Variants in CACNA2D3 observed in about 807,000 individuals in gnomAD.
CACNA2D3 encodes the protein voltage-dependent calcium channel subunit alpha-2/delta-3.
Under a neutral mutation model 160.6 loss-of-function variants are expected in CACNA2D3, and 60 were observed. The observed-to-expected ratio is 0.37, with a 90% CI of 0.30 to 0.46. The LOEUF (loss-of-function observed/expected upper bound fraction) is 0.46. CACNA2D3 is among the 20% of genes least tolerant of loss of function. CACNA2D3 has a pLI of 1.00. For synonymous variants in CACNA2D3, 558 were observed against 492.9 expected, an observed-to-expected ratio of 1.13 and a Z score of -1.75; for missense variants, 1,205 against 1,365.0, an observed-to-expected ratio of 0.88 and a Z score of 1.85.
intron 2 of CACNA2D3, among the ~76,000 whole-genome samples, chr3:54,172,494 A>T (rs989030370): frequency 6.6e-6 from 1 of 152,312 alleles, no homozygotes; most frequent in Non-Finnish European, 1.5e-5. Context: ...ATAGGTGGGG[A>T]TGACGTAAAC....
At chr3:54,601,080 G>C (rs138434907) in intron 9 of CACNA2D3, among the ~76,000 whole-genome samples, 1 of 152,300 alleles carries the variant, frequency 6.6e-6, no homozygotes, top group Non-Finnish European at 1.5e-5. Context: ...TGCTGGAGGA[G>C]ACTTGGTCGA....
chr3:54,406,227 A>G (rs1037053536), intron 4 of CACNA2D3, among the ~76,000 whole-genome samples: 2 of 152,138 alleles, frequency 1.3e-5, no homozygotes, highest in Admixed American at 1.3e-4. Context: ...TCACCACCTC[A>G]GAAAGATACC....
chr3:54,871,681 C>A, intron 18 of CACNA2D3, 59 bp downstream of exon 18: 3 of 1,332,614 alleles, frequency 2.3e-6, no homozygotes, highest in Admixed American at 1.8e-5. Flanking sequence ...CACTTCTGTA[C>A]CTGGGGGCGA....
rs151002199 is a variant in CACNA2D3 at position 54,308,295 on chromosome 3, G to C, written c.205-12147G>C. Among the ~76,000 whole-genome samples the C allele has an allele frequency of 4.0e-3, 611 of 152,270 alleles. 7 individuals are homozygous for C. Among genetic ancestry groups the C allele is most frequent in the African/African-American group, 0.014 (571 of 41,534 alleles). ...GCCTGGGGATAGTCCTCAGCCATGG[G>C]TTCCATTCCTCAGGCTGTCCTTCAT... On this transcript the variant is annotated intron_variant, in intron 2 of 37. Coordinates refer to ENST00000474759, the MANE Select transcript of CACNA2D3 (RefSeq NM_018398.3).
intron 12 of CACNA2D3, among the ~76,000 whole-genome samples, chr3:54,757,751 G>A (rs1295104693): frequency 6.6e-6 from 1 of 152,132 alleles, no homozygotes; most frequent in South Asian, 2.1e-4. Context: ...TCCTCCCAAA[G>A]GCTCTATGAG....
intron 35 of CACNA2D3, among the ~76,000 whole-genome samples, chr3:55,059,517 G>A (rs1704449332): frequency 6.6e-6 from 1 of 152,222 alleles, no homozygotes; most frequent in African/African-American, 2.4e-5. Context: ...ACGGGCAGGT[G>A]CAGGAGCCGG....
chr3:54,123,491 C>T, intron 1 of CACNA2D3, 22 bp from the exon 2 acceptor site: 2 of 1,589,262 alleles, frequency 1.3e-6, no homozygotes, highest in Non-Finnish European at 1.7e-6. Flanking sequence ...TACATATCTT[C>T]CTGTGCCCCT....
chr3:54,276,732 G>A (rs1702750192), intron 2 of CACNA2D3, among the ~76,000 whole-genome samples: 3 of 151,890 alleles, frequency 2.0e-5, no homozygotes, highest in Admixed American at 2.0e-4. Flanking sequence ...TGGGAGAGAG[G>A]ATGGTAAAGA....
chr3:54,642,601 G>C (rs539205244), intron 11 of CACNA2D3, among the ~76,000 whole-genome samples: 2 of 152,074 alleles, frequency 1.3e-5, no homozygotes, highest in Non-Finnish European at 2.9e-5. Flanking sequence ...AGTCATGGTA[G>C]CCCTGCAGGC....
At position 55,021,625 on chromosome 3, in the gene CACNA2D3, G is replaced by A. The variant is rs28649235; in HGVS notation, c.2987+3308G>A. Among the ~76,000 whole-genome samples the A allele has an allele frequency of 1.9e-3, 248 of 131,462 alleles. 2 individuals are homozygous for A. The highest frequency in any genetic ancestry group is 6.2e-3 in the African/African-American group (222 of 35,712). The allele number at this position is 131,462 out of a possible 152,430, so 86.2% of individuals were successfully genotyped here. A position where few individuals can be genotyped will look rare whatever the true frequency, so the allele number is the denominator to read the frequency against. On this transcript the variant is annotated intron_variant, in intron 35 of 37. Transcript: ENST00000474759. Reference sequence around the variant, plus strand: ...TATATATATATATATATGTGTGTGTGTATATATATATATATATATGTGTAT... The same window carrying A: ...TATATATATATATATATGTGTGTGTATATATATATATATATATATGTGTAT...
chr3:54,663,775 C>G (rs1700013442), intron 11 of CACNA2D3, among the ~76,000 whole-genome samples: 1 of 152,170 alleles, frequency 6.6e-6, no homozygotes, highest in African/African-American at 2.4e-5. Context: ...GTCCTGGAAC[C>G]CAGCACCCTG....
intron 13 of CACNA2D3, among the ~76,000 whole-genome samples, chr3:54,772,416 A>G (rs1702337330): frequency 6.6e-6 from 1 of 152,096 alleles, no homozygotes; most frequent in African/African-American, 2.4e-5. Flanking sequence ...CAAGTTCAAG[A>G]TAAAAGTTTA....
At chr3:54,542,848 C>T (rs1450038742) in intron 5 of CACNA2D3, among the ~76,000 whole-genome samples, 7 of 152,110 alleles carry the variant, frequency 4.6e-5, no homozygotes, top group Non-Finnish European at 8.8e-5. Flanking sequence ...ATCAAGTTGA[C>T]ACTCAATATT....
chr3:54,824,883 T>G (rs986347755), intron 14 of CACNA2D3, among the ~76,000 whole-genome samples: 1 of 152,344 alleles, frequency 6.6e-6, no homozygotes, highest in South Asian at 2.1e-4. Flanking sequence ...GCAGAAATGG[T>G]TTCTTTTAAA....
intron 11 of CACNA2D3, among the ~76,000 whole-genome samples, chr3:54,724,537 A>G (rs1376500230): frequency 6.6e-6 from 1 of 152,196 alleles, no homozygotes; most frequent in Non-Finnish European, 1.5e-5. Context: ...TCCTCAGAAA[A>G]TGCAAAAGAA....
chr3:54,927,867 G>A (rs1282339166), intron 27 of CACNA2D3: 1 of 1,612,180 alleles, frequency 6.2e-7, no homozygotes, highest in Non-Finnish European at 8.5e-7. Flanking sequence ...CTTTCTCCCA[G>A]ACAAGAACTT....
rs565136493 is a variant in CACNA2D3, at chr3:54,662,500, C to G, written c.1167+20259C>G. 4.0e-4 allele frequency among the ~76,000 whole-genome samples: 61 copies of G among 152,336 alleles called. No homozygotes were observed. The South Asian group carries it at 0.012, about 30-fold the overall frequency. On this transcript the variant is annotated intron_variant, in intron 11 of 37. Transcript: ENST00000474759. ...GGCTGTGAAGGGTTTAGGAAGACCT[C>G]TTGGACAGGAACAGCCAAGAATTCC...
chr3:54,630,637 G>T (rs937041927), intron 10 of CACNA2D3, among the ~76,000 whole-genome samples: 3 of 152,158 alleles, frequency 2.0e-5, no homozygotes, highest in Non-Finnish European at 4.4e-5. Flanking sequence ...GCATCTTGTA[G>T]AAGTTACAGC....
rs535467210 is a variant in CACNA2D3, at chr3:54,509,279, G to A, written c.544+5625G>A. On this transcript the variant is annotated intron_variant, in intron 5 of 37. Coordinates refer to ENST00000474759, the MANE Select transcript of CACNA2D3 (RefSeq NM_018398.3). The stretch of plus-strand genomic sequence containing the variant: ...TTCCCTTTGTTTCTTTTCCCTTCAC[G>A]TGTGTGTGTGTTTGTGTGTGTGTGT... Among the ~76,000 whole-genome samples the A allele has an allele frequency of 9.7e-4, 63 of 64,716 alleles. 1 individual carries two copies. The highest frequency in any genetic ancestry group is 2.5e-3 in the African/African-American group (62 of 24,902). 42.5% of individuals were successfully genotyped at this position (64,716 alleles called of 152,430 possible).
Sources: gnomAD v4.1 joint callset for allele counts (sites outside exome capture counted in the v4.1 genomes callset) on GRCh38, gnomAD v4.1.1 for gene constraint, MANE v1.5 for transcripts, NCBI Gene and HGNC (gene_info 2026-07-23, HGNC 2026-07-21) for gene names.